Variants in SRCAP observed in about 807,000 individuals in gnomAD.
SRCAP encodes the protein Snf2 related CREBBP activator protein, also known as chromatin remodeling protein SRCAP.
A neutral mutation model predicts 263.1 loss-of-function variants in SRCAP; 46 were observed. The ratio of observed to expected loss-of-function variants is 0.17; its 90% CI spans 0.14 to 0.22. The LOEUF (loss-of-function observed/expected upper bound fraction) is 0.22, where lower values mean the gene tolerates loss of function less well. Among genes scored for constraint, SRCAP ranks in the 10% least tolerant of loss-of-function variants. The pLI is 1.00. For missense variants in SRCAP, 3,695 were observed against 4,181.9 expected (o/e 0.88, Z 3.21); for synonymous variants, 1,813 against 1,662.1 (o/e 1.09, Z -2.21).
rs1028599771 is a variant in SRCAP at position 30,724,764 on chromosome 16, G to C, written c.5340G>C (p.Leu1780=). The C allele has an allele frequency of 1.1e-5, 17 of 1,613,564 alleles. No homozygotes were observed. Among genetic ancestry groups the C allele is most frequent in the Admixed American group, 3.3e-5 (2 of 59,916 alleles). Residue 1780 remains leucine, a synonymous_variant, in exon 25 of 34, where the codon CTG becomes CTC. Coordinates refer to ENST00000262518, the MANE Select transcript of SRCAP (RefSeq NM_006662.3). ...CAGCATCGTCATCTGCTTCACTCCT[G>C]GCCCCAGCTTCAGTGCAGACACTGA... The part of the protein sequence containing the change: ...LAPASSSASL[L]APASVQTLTL...
Position 30,738,205 on chromosome 16 carries a change from G to A in SRCAP, c.8165G>A (p.Arg2722His), listed in dbSNP as rs563906113. The change falls in exon 34 of 34, where the codon CGT becomes CAT. Residue 2722 changes from arginine to histidine, a missense_variant. Coordinates refer to ENST00000262518, the MANE Select transcript of SRCAP (RefSeq NM_006662.3). ...EGPSPARPPR[R>H]RTSADVEIRG... The stretch of plus-strand genomic sequence containing the variant: ...CCTTCACCTGCCCGACCTCCTCGGC[G>A]TCGCACCAGTGCTGATGTGGAAATT... 6 of 1,614,194 alleles carry A rather than the reference G, an allele frequency of 3.7e-6. No homozygotes were observed. The highest frequency in any genetic ancestry group is 1.3e-5 in the African/African-American group (1 of 75,056).
rs1327292221 is a variant in SRCAP at position 30,720,838 on chromosome 16, C to T, written c.3113C>T (p.Pro1038Leu). The T allele has an allele frequency of 1.2e-6, 2 of 1,613,940 alleles. No individual in the cohort carries two copies. The highest frequency in any genetic ancestry group is 1.7e-6 in the Non-Finnish European group (2 of 1,180,020). The change falls in exon 20 of 34, where the codon CCT (proline) becomes CTT (leucine). Residue 1038 changes from proline (P) to leucine (L), a missense_variant. Transcript: ENST00000262518. Reference protein sequence around the residue: ...PGPELSAQPTPGPVPQVLPAS... With the variant: ...PGPELSAQPTLGPVPQVLPAS... The stretch of plus-strand genomic sequence containing the variant: ...CCTGAGCTCTCAGCCCAGCCCACCC[C>T]TGGCCCAGTCCCCCAAGTGCTGCCA...
At position 30,737,239 on chromosome 16, in the gene SRCAP, G is replaced by C. The variant is rs755625186; in HGVS notation, c.7199G>C (p.Arg2400Pro). Residue 2400 changes from arginine (R) to proline (P), a missense_variant, in exon 34 of 34, where the codon CGT becomes CCT. Transcript: ENST00000262518. The stretch of plus-strand genomic sequence containing the variant: ...GGGACTCGTGTCAGTGAGCGTCTTC[G>C]TGGAGCCCGGGCTGAGACTCAAGGG... ...RPGTRVSERLRGARAETQGAN... is the reference protein window; with the variant it reads ...RPGTRVSERLPGARAETQGAN... 1 of 1,614,012 alleles carries C rather than the reference G, an allele frequency of 6.2e-7. No individual in the cohort carries two copies.
In SRCAP at chr16:30,722,968, C is replaced by T. The variant is rs1349668983; in HGVS notation, c.3898C>T (p.Pro1300Ser). 6.2e-7 allele frequency: 1 copy of T among 1,605,470 alleles called. No homozygotes were observed. Among genetic ancestry groups the T allele is most frequent in the Non-Finnish European group, 8.5e-7 (1 of 1,173,216 alleles). ...AGTGTAGCTTCCTCTTGCAGTGCCA[C>T]CAACCATGGTGAATAATACAGGCGT... The part of the protein sequence containing the change: ...SLPLAANQVP[P>S]TMVNNTGVVK... The change falls in exon 24 of 34, where the codon CCA becomes TCA. Residue 1300 changes from proline (P) to serine (S), a missense_variant. Physicochemically the swap from Pro to Ser is moderately conservative, Grantham distance 74. Transcript: ENST00000262518.
rs777654214 is a variant in SRCAP, at chr16:30,724,331, C to T, written c.4907C>T (p.Ser1636Phe). The change falls in exon 25 of 34, where the codon TCT (serine) becomes TTT (phenylalanine). Residue 1636 changes from serine to phenylalanine, a missense_variant. By Grantham distance (155) the Ser-to-Phe change is radical (BLOSUM62 -2). Transcript: ENST00000262518. Reference protein sequence around the residue: ...QTPVPVMAPSSTPGTSLASAS... With the variant: ...QTPVPVMAPSFTPGTSLASAS... ...CCGGTTCCAGTTATGGCTCCATCGT[C>T]TACTCCAGGAACCTCTTTAGCCTCA... 2 of 1,614,082 alleles carry T rather than the reference C, an allele frequency of 1.2e-6. No homozygotes were observed. The highest frequency in any genetic ancestry group is 1.1e-5 in the South Asian group (1 of 91,092).
At position 30,741,051 on chromosome 16, in the gene SRCAP, G is replaced by A. The variant is rs1336585117; in HGVS notation, c.*1318G>A. ...AGGGCATCATTTTGCAGGTTTCTGT[G>A]TGGTAATGAGGTCATTTAGACTCAG... On this transcript the variant is annotated 3_prime_UTR_variant, in exon 34 of 34. Transcript: ENST00000262518. The A allele has an allele frequency of 6.6e-6, 1 of 152,228 alleles. No homozygotes were observed. Among genetic ancestry groups the A allele is most frequent in the Non-Finnish European group, 1.5e-5 (1 of 68,062 alleles). The allele number at this position is 152,228 out of a possible 1,614,324, so 9.4% of individuals were successfully genotyped here.
chr16:30,702,597 TTCCC>T (rs1246216418), intron 3 of SRCAP, among the ~76,000 whole-genome samples: 50 of 89,084 alleles, frequency 5.6e-4, no homozygotes, highest in East Asian at 5.2e-3. Context: ...CTTCCCTGCC[TTCCC>T]TCCCTCCCTC....
At chr16:30,699,866 C>T (rs2052746199) in intron 1 of SRCAP, 42 bp from the exon 2 acceptor site, 1 of 152,088 alleles carries the variant, frequency 6.6e-6, no homozygotes, top group South Asian at 2.1e-4. Flanking sequence ...TTAAACGTCT[C>T]AAAAAACTGG....
chr16:30,720,168 G>C lies in SRCAP; in HGVS notation c.2824G>C (p.Asp942His). Residue 942 changes from aspartate (D) to histidine (H), a missense_variant, in exon 19 of 34, where the codon GAC becomes CAC. Physicochemically the swap from Asp to His is moderately conservative, Grantham distance 81. This residue lies in a region of SRCAP where 147 missense variants were observed against 212.7 expected (regional missense o/e 0.69). Transcript: ENST00000262518. Reference sequence around the variant, plus strand: ...GCTTTCTTTCTTGTGGCAGCGGATAGACATGGGTCGATTTGACCTTATTGG... The same window carrying C: ...GCTTTCTTTCTTGTGGCAGCGGATACACATGGGTCGATTTGACCTTATTGG... ...ATDVHPLQRI[D>H]MGRFDLIGLE... is the part of the protein sequence containing the mutation. 1 of 1,608,330 alleles carries C rather than the reference G, an allele frequency of 6.2e-7. No homozygotes were observed. The highest frequency in any genetic ancestry group is 8.5e-7 in the Non-Finnish European group (1 of 1,175,118).
intron 4 of SRCAP, among the ~76,000 whole-genome samples, chr16:30,705,010 C>A (rs766354297): frequency 6.6e-6 from 1 of 152,074 alleles, no homozygotes; most frequent in Non-Finnish European, 1.5e-5. Flanking sequence ...AGTAGAAACA[C>A]AAATTCTTTG....
In SRCAP at chr16:30,711,939, G is replaced by C; in HGVS notation, c.1597G>C (p.Asp533His). The change falls in exon 12 of 34, where the codon GAT (aspartate) becomes CAT (histidine). Residue 533 changes from aspartate (D) to histidine (H), a missense_variant. Around this residue, in one of 12 missense-constraint regions of SRCAP, gnomAD observed 288 missense variants for 302.4 expected, o/e 0.95. Transcript: ENST00000262518. ...SEESESEESE[D>H]AQSQSQADEE... ...GGAATCTGAGTCTGAAGAGTCTGAGGATGCCCAATCACAGAGCCAAGCAGA... is the reference window on the plus strand; with the variant it reads ...GGAATCTGAGTCTGAAGAGTCTGAGCATGCCCAATCACAGAGCCAAGCAGA... 3 of 1,613,962 alleles carry C rather than the reference G, an allele frequency of 1.9e-6. No homozygotes were observed. Among genetic ancestry groups the C allele is most frequent in the Non-Finnish European group, 2.5e-6 (3 of 1,180,010 alleles).
chr16:30,737,295 C>T lies in SRCAP; in HGVS notation c.7255C>T (p.Gln2419Ter), dbSNP rs1555465928. The T allele has an allele frequency of 6.2e-7, 1 of 1,614,056 alleles. No homozygotes were observed. Among genetic ancestry groups the T allele is most frequent in the Non-Finnish European group, 8.5e-7 (1 of 1,180,008 alleles). Residue 2419 changes from glutamine (Q) to a stop codon, truncating the protein, a stop_gained, in exon 34 of 34, where the codon CAA (glutamine) becomes TAA (stop). Coordinates refer to ENST00000262518, the MANE Select transcript of SRCAP (RefSeq NM_006662.3). LOFTEE classifies it high-confidence loss of function. ...ANHTPVISAH[Q>*]TRSTTTPPRC... ...CCACACTCCTGTCATATCCGCCCAT[C>T]AAACTCGCAGCACCACCACACCACC...
Position 30,724,496 on chromosome 16 carries a change from T to C in SRCAP, c.5072T>C (p.Leu1691Pro). 1 of 1,614,148 alleles carries C rather than the reference T, an allele frequency of 6.2e-7. No individual in the cohort carries two copies. Among genetic ancestry groups the C allele is most frequent in the Non-Finnish European group, 8.5e-7 (1 of 1,180,010 alleles). Reference sequence around the variant, plus strand: ...CTAGCCCCAGCTTTAGCACCCACTCTTGGAGGCTCATCTCCATCTCAGACA... The same window carrying C: ...CTAGCCCCAGCTTTAGCACCCACTCCTGGAGGCTCATCTCCATCTCAGACA... ...LALAPALAPT[L>P]GGSSPSQTLS... The change falls in exon 25 of 34, where the codon CTT (leucine) becomes CCT (proline). Residue 1691 changes from leucine to proline, a missense_variant. By Grantham distance (98) the Leu-to-Pro change is moderately conservative (BLOSUM62 -3). Around this residue, in one of 12 missense-constraint regions of SRCAP, gnomAD observed 1,347 missense variants for 1,304.4 expected, o/e 1.03. Transcript: ENST00000262518.
chr16:30,708,537 G>A (rs968051278), intron 6 of SRCAP, among the ~76,000 whole-genome samples: 1 of 151,880 alleles, frequency 6.6e-6, no homozygotes, highest in Non-Finnish European at 1.5e-5. Context: ...GGGATTACAG[G>A]CATGTGCCAC....
At chr16:30,707,790 C>T (rs558749357) in intron 6 of SRCAP, 78 bp downstream of exon 6, 8 of 1,536,506 alleles carry the variant, frequency 5.2e-6, no homozygotes, top group African/African-American at 1.4e-5. Flanking sequence ...ATGATCAAAA[C>T]TTCTTGAGGG....
rs200086013 is a variant in SRCAP at position 30,724,042 on chromosome 16, A to T, written c.4618A>T (p.Thr1540Ser). ...TTCACATGTTCCAGGGTTGAACTCA[A>T]CCGTGGCCCCAGCATGCTCACCTGT... is the stretch of plus-strand genomic sequence containing the variant. ...TSSHVPGLNSTVAPACSPVLV... is the reference protein window; with the variant it reads ...TSSHVPGLNSSVAPACSPVLV... The change falls in exon 25 of 34, where the codon ACC becomes TCC. Residue 1540 changes from threonine to serine, a missense_variant. Coordinates refer to ENST00000262518, the MANE Select transcript of SRCAP (RefSeq NM_006662.3). The T allele has an allele frequency of 5.6e-6, 9 of 1,613,690 alleles. No individual in the cohort carries two copies. Among genetic ancestry groups the T allele is most frequent in the Non-Finnish European group, 6.8e-6 (8 of 1,179,994 alleles).
At chr16:30,712,626 C>G in intron 13 of SRCAP, 53 bp from the exon 14 acceptor site, 1 of 1,611,362 alleles carries the variant, frequency 6.2e-7, no homozygotes, top group South Asian at 1.1e-5. Context: ...ACTGAGAAAT[C>G]AGAACCACAG....
At chr16:30,734,295 A>G (rs2053138908) in intron 30 of SRCAP, 2 of 718,684 alleles carry the variant, frequency 2.8e-6, no homozygotes, top group African/African-American at 3.6e-5. Context: ...GTGAGTTGAG[A>G]TGGCGCCATT....
intron 13 of SRCAP, 39 bp downstream of exon 13, chr16:30,712,478 T>G: frequency 6.5e-7 from 1 of 1,539,376 alleles, no homozygotes; most frequent in African/African-American, 1.4e-5. Context: ...CCCCCTAGTC[T>G]AGCTCCCTGG....
Sources: allele counts gnomAD v4.1 joint callset (sites outside exome capture counted in the v4.1 genomes callset), GRCh38; gene constraint gnomAD v4.1.1; regional missense constraint gnomAD v4.1.1; transcripts MANE v1.5; gene names NCBI Gene and HGNC (gene_info 2026-07-23, HGNC 2026-07-21).